GABRB1: variants seen among roughly 807,000 people sequenced by gnomAD.
The protein encoded by GABRB1 is gamma-aminobutyric acid type A receptor subunit beta1.
Under a neutral mutation model 51.6 loss-of-function variants are expected in GABRB1, and 17 were observed. The ratio of observed to expected loss-of-function variants is 0.33; its 90% CI spans 0.23 to 0.49. The LOEUF (loss-of-function observed/expected upper bound fraction) is 0.49, where lower values mean the gene tolerates loss of function less well. Ranked by LOEUF, GABRB1 falls within the 20% of genes least tolerant of loss-of-function variation. The probability of loss-of-function intolerance (pLI) is 0.99; values close to 1 mark genes in which losing one functional copy is unlikely to be tolerated. For missense variants in GABRB1, 410 were observed against 600.6 expected (o/e 0.68, Z 3.32); for synonymous variants, 247 against 218.9 (o/e 1.13, Z -1.14).
intron 1 of GABRB1, among the ~76,000 whole-genome samples, chr4:47,022,983 T>C (rs968843232): frequency 6.6e-5 from 10 of 152,060 alleles, no homozygotes; most frequent in Admixed American, 5.9e-4. Context: ...AACAGAGTAC[T>C]ATTCAGCCAT....
intron 3 of GABRB1, among the ~76,000 whole-genome samples, chr4:47,042,883 C>T (rs1725920600): frequency 6.6e-6 from 1 of 151,854 alleles, no homozygotes; most frequent in South Asian, 2.1e-4. Flanking sequence ...CTCATGTATA[C>T]ATAATTTTAT....
intron 3 of GABRB1, among the ~76,000 whole-genome samples, chr4:47,096,364 T>C (rs1450133449): frequency 7.9e-5 from 12 of 152,148 alleles, no homozygotes; most frequent in Admixed American, 5.9e-4. Flanking sequence ...TGAAGTGAGA[T>C]ACACCAACTA....
chr4:47,142,598 T>C (rs933668854), intron 3 of GABRB1, among the ~76,000 whole-genome samples: 1 of 151,914 alleles, frequency 6.6e-6, no homozygotes, highest in African/African-American at 2.4e-5. Context: ...TTTGGAGGGG[T>C]AAGTGAATTG....
intron 5 of GABRB1, among the ~76,000 whole-genome samples, chr4:47,341,475 T>C (rs907974190): frequency 1.2e-4 from 18 of 152,204 alleles, no homozygotes; most frequent in African/African-American, 4.3e-4. Flanking sequence ...TTTTTCTCTT[T>C]TCATTACTGA....
At chr4:47,199,627 T>C (rs1719822463) in intron 4 of GABRB1, among the ~76,000 whole-genome samples, 1 of 152,054 alleles carries the variant, frequency 6.6e-6, no homozygotes, top group Non-Finnish European at 1.5e-5. Flanking sequence ...GCCTTGGGCA[T>C]AGAGGATGGA....
intron 5 of GABRB1, among the ~76,000 whole-genome samples, chr4:47,335,124 G>A (rs11939131): frequency 0.22 from 33,561 of 151,940 alleles, 3,931 homozygotes; most frequent in African/African-American, 0.29. Context: ...ATCAGTAATC[G>A]TTTTAGCATG....
At chr4:47,291,450 C>A (rs958078847) in intron 4 of GABRB1, among the ~76,000 whole-genome samples, 1 of 152,166 alleles carries the variant, frequency 6.6e-6, no homozygotes, top group Non-Finnish European at 1.5e-5. Flanking sequence ...CACACAGAGT[C>A]CATATGGGGC....
intron 3 of GABRB1, among the ~76,000 whole-genome samples, chr4:47,047,227 G>A (rs1726134223): frequency 6.6e-6 from 1 of 151,906 alleles, no homozygotes; most frequent in Non-Finnish European, 1.5e-5. Context: ...GATTACCAAG[G>A]GTATTCAAAA....
intron 3 of GABRB1, among the ~76,000 whole-genome samples, chr4:47,042,492 G>T (rs1237214314): frequency 7.0e-6 from 1 of 143,262 alleles, no homozygotes; most frequent in Non-Finnish European, 1.5e-5. Flanking sequence ...ATATATATAT[G>T]TATATATAGT....
At chr4:47,365,542 C>T (rs752046486) in intron 5 of GABRB1, among the ~76,000 whole-genome samples, 8 of 152,234 alleles carry the variant, frequency 5.3e-5, no homozygotes, top group South Asian at 2.1e-4. Context: ...GCTCCACCCC[C>T]GCTATACCCC....
chr4:47,268,779 G>A, intron 4 of GABRB1, among the ~76,000 whole-genome samples: 1 of 152,138 alleles, frequency 6.6e-6, no homozygotes, highest in African/African-American at 2.4e-5. Flanking sequence ...AGCTGAAGTA[G>A]AACTTTTTTC....
chr4:47,161,280 C>G lies in GABRB1; in HGVS notation c.272C>G (p.Ser91Cys). ...DYTLTMYFQQ[S>C]WKDKRLSYSG... ...ACACTCACCATGTATTTCCAGCAGT[C>G]TTGGAAAGACAAAAGGCTTTCTTAT... The change falls in exon 4 of 9, where the codon TCT becomes TGT. Residue 91 changes from serine (S) to cysteine (C), a missense_variant. This residue lies in a region of GABRB1 where 100 missense variants were observed against 184.3 expected (regional missense o/e 0.54). Coordinates refer to ENST00000295454, the MANE Select transcript of GABRB1 (RefSeq NM_000812.4). 6.2e-7 allele frequency: 1 copy of G among 1,608,608 alleles called. No homozygotes were observed. The highest frequency in any genetic ancestry group is 1.1e-5 in the South Asian group (1 of 90,990).
At chr4:47,398,353 T>C (rs186641101) in intron 5 of GABRB1, among the ~76,000 whole-genome samples, 1 of 152,210 alleles carries the variant, frequency 6.6e-6, no homozygotes, top group Non-Finnish European at 1.5e-5. Flanking sequence ...GCTTTCCAAC[T>C]CTGTACCTCA....
chr4:47,332,893 A>G (rs989711497), intron 5 of GABRB1, among the ~76,000 whole-genome samples: 3 of 151,928 alleles, frequency 2.0e-5, no homozygotes, highest in Admixed American at 1.3e-4. Flanking sequence ...GAAAAATTGT[A>G]AACTATTCTT....
chr4:47,104,733 A>G (rs953998802), intron 3 of GABRB1, among the ~76,000 whole-genome samples: 32 of 152,046 alleles, frequency 2.1e-4, no homozygotes, highest in African/African-American at 7.7e-4. Context: ...CAGAAAAGAC[A>G]TTCTTTATCT....
chr4:47,425,508 AGATAGATAGATC>A (rs1475071355), intron 8 of GABRB1, among the ~76,000 whole-genome samples, 154 bp from the exon 9 acceptor site: 4 of 149,494 alleles, frequency 2.7e-5, no homozygotes, highest in African/African-American at 9.8e-5. Context: ...ATAGATAGAT[AGATAGATAGATC>A]GATCGATCTA....
chr4:47,004,544 G>A (rs751205679), intron 1 of GABRB1, among the ~76,000 whole-genome samples: 1 of 152,084 alleles, frequency 6.6e-6, no homozygotes, highest in Non-Finnish European at 1.5e-5. Context: ...AAAAGAATAG[G>A]TTCCCTGGTT....
intron 4 of GABRB1, among the ~76,000 whole-genome samples, chr4:47,197,091 T>A (rs1232325492): frequency 6.6e-6 from 1 of 152,222 alleles, no homozygotes; most frequent in Non-Finnish European, 1.5e-5. Context: ...CCAGGATTCC[T>A]CTTAGAACCT....
chr4:47,292,992 T>C (rs1723807550), intron 4 of GABRB1, among the ~76,000 whole-genome samples: 1 of 152,236 alleles, frequency 6.6e-6, no homozygotes, highest in African/African-American at 2.4e-5. Context: ...ATTTAAATCA[T>C]AGCACAAACA....
Sources: gnomAD v4.1 joint callset for allele counts (sites outside exome capture counted in the v4.1 genomes callset) on GRCh38, gnomAD v4.1.1 for gene constraint, gnomAD v4.1.1 regional missense constraint, MANE v1.5 for transcripts, NCBI Gene and HGNC (gene_info 2026-07-23, HGNC 2026-07-21) for gene names.